SMAD5: variants seen among roughly 807,000 people sequenced by gnomAD.
SMAD5 encodes SMAD family member 5.
Under a neutral mutation model 43.1 loss-of-function variants are expected in SMAD5, and 9 were observed. That is an observed-to-expected ratio of 0.21 (90% CI 0.13 to 0.36). The LOEUF (loss-of-function observed/expected upper bound fraction) is 0.36, where lower values mean the gene tolerates loss of function less well. Among genes scored for constraint, SMAD5 ranks in the 10% least tolerant of loss-of-function variants. The probability of loss-of-function intolerance (pLI) is 1.00; values close to 1 mark genes in which losing one functional copy is unlikely to be tolerated. For missense variants in SMAD5, 348 were observed against 574.0 expected (o/e 0.61, Z 4.02); for synonymous variants, 190 against 192.4 (o/e 0.99, Z 0.10).
At chr5:136,169,267 C>G (rs1191063434) in intron 5 of SMAD5, among the ~76,000 whole-genome samples, 1 of 152,206 alleles carries the variant, frequency 6.6e-6, no homozygotes, top group Non-Finnish European at 1.5e-5. Flanking sequence ...GTCTGCTCTT[C>G]CATCTTCTGC....
chr5:136,137,430 G>T (rs1752927360), intron 1 of SMAD5, among the ~76,000 whole-genome samples: 1 of 152,126 alleles, frequency 6.6e-6, no homozygotes, highest in South Asian at 2.1e-4. Context: ...AAAAAAACTA[G>T]TGTCCCATTC....
At chr5:136,144,290 G>T (rs1753187946) in intron 1 of SMAD5, among the ~76,000 whole-genome samples, 1 of 152,006 alleles carries the variant, frequency 6.6e-6, no homozygotes, top group South Asian at 2.1e-4. Context: ...TGATGCTCAT[G>T]GTTAGCCTGT....
At chr5:136,155,816 A>G (rs1204724985) in intron 3 of SMAD5, among the ~76,000 whole-genome samples, 1 of 152,132 alleles carries the variant, frequency 6.6e-6, no homozygotes, top group Non-Finnish European at 1.5e-5. Context: ...TATTTCATTC[A>G]TTACTCTATC....
At chr5:136,135,323 C>A (rs1752836490) in intron 1 of SMAD5, among the ~76,000 whole-genome samples, 1 of 152,210 alleles carries the variant, frequency 6.6e-6, no homozygotes, top group African/African-American at 2.4e-5. Context: ...TAATTCTTGG[C>A]TGAACCTGAA....
intron 1 of SMAD5, among the ~76,000 whole-genome samples, chr5:136,144,621 T>G (rs1321974343): frequency 1.3e-5 from 2 of 150,598 alleles, no homozygotes; most frequent in Non-Finnish European, 3.0e-5. Flanking sequence ...CTTATTATAT[T>G]GGTATATATT....
chr5:136,160,777 C>CT lies in SMAD5; in HGVS notation c.404-76dup. The stretch of plus-strand genomic sequence containing the variant: ...ATAGGTTTACAGTCTTACATGAATC[C>CT]TTTCTACCAACCCCTTAGTGTGGAT... On this transcript the variant is annotated intron_variant, in intron 3 of 7. Transcript: ENST00000545279. 2.1e-6 allele frequency: 3 copies of CT among 1,425,304 alleles called. No individual in the cohort carries two copies. In the South Asian group the frequency reaches 3.8e-5, roughly 18 times the overall value. 88.3% of individuals were successfully genotyped at this position (1,425,304 alleles called of 1,614,324 possible). A position where few individuals can be genotyped will look rare whatever the true frequency, so the allele number is the denominator to read the frequency against.
At chr5:136,138,732 T>C (rs1338022853) in intron 1 of SMAD5, among the ~76,000 whole-genome samples, 2 of 152,190 alleles carry the variant, frequency 1.3e-5, no homozygotes, top group Non-Finnish European at 2.9e-5. Flanking sequence ...CAAGTGTCTT[T>C]CTTCCATTGC....
intron 5 of SMAD5, among the ~76,000 whole-genome samples, chr5:136,165,026 G>C (rs1423629379): frequency 6.6e-6 from 1 of 152,128 alleles, no homozygotes; most frequent in Non-Finnish European, 1.5e-5. Context: ...GTAAATGCCA[G>C]GGTTTATTTC....
intron 1 of SMAD5, among the ~76,000 whole-genome samples, chr5:136,140,646 G>T (rs2149759982): frequency 1.3e-5 from 2 of 151,948 alleles, no homozygotes; most frequent in African/African-American, 4.8e-5. Flanking sequence ...CACCTTCTTG[G>T]TGAGACCCAG....
intron 1 of SMAD5, among the ~76,000 whole-genome samples, chr5:136,135,959 A>G (rs1349451108): frequency 6.6e-6 from 1 of 152,194 alleles, no homozygotes; most frequent in African/African-American, 2.4e-5. Context: ...CCGTCTTCTC[A>G]TAGGGTCAAA....
chr5:136,160,539 CTG>C (rs1179502630), intron 3 of SMAD5, among the ~76,000 whole-genome samples: 2 of 152,018 alleles, frequency 1.3e-5, no homozygotes, highest in Non-Finnish European at 2.9e-5. Context: ...GCGCTCACCT[CTG>C]TTTAACTCCT....
At chr5:136,164,452 C>T (rs892379765) in intron 5 of SMAD5, among the ~76,000 whole-genome samples, 1 of 152,076 alleles carries the variant, frequency 6.6e-6, no homozygotes, top group Admixed American at 6.5e-5. Flanking sequence ...GTGTAAAGTG[C>T]TTATTGTGGT....
intron 1 of SMAD5, among the ~76,000 whole-genome samples, chr5:136,138,629 A>G (rs945667559): frequency 3.9e-5 from 6 of 152,122 alleles, no homozygotes; most frequent in South Asian, 4.1e-4. Context: ...GGTGACTACT[A>G]TTGATAATGA....
intron 5 of SMAD5, among the ~76,000 whole-genome samples, chr5:136,164,722 GA>G (rs1753938446): frequency 1.3e-5 from 2 of 152,082 alleles, no homozygotes; most frequent in South Asian, 4.2e-4. Context: ...AAATTTTGAT[GA>G]AATCCATTTT....
chr5:136,138,844 A>G (rs1328243953), intron 1 of SMAD5, among the ~76,000 whole-genome samples: 1 of 152,144 alleles, frequency 6.6e-6, no homozygotes, highest in African/African-American at 2.4e-5. Flanking sequence ...AGTGAATCTG[A>G]ATTTTGAGGG....
At chr5:136,140,216 T>TTTCACCATG (rs1379362456) in intron 1 of SMAD5, among the ~76,000 whole-genome samples, 2 of 151,908 alleles carry the variant, frequency 1.3e-5, no homozygotes, top group East Asian at 3.9e-4. Context: ...AGAGACGGGG[T>TTTCACCATG]TTCACCATGT....
intron 4 of SMAD5, among the ~76,000 whole-genome samples, chr5:136,161,722 T>A (rs762160754): frequency 5.3e-5 from 8 of 152,248 alleles, no homozygotes; most frequent in African/African-American, 9.6e-5. Flanking sequence ...GCATGTCATA[T>A]ATGGACATGT....
intron 1 of SMAD5, among the ~76,000 whole-genome samples, chr5:136,144,493 G>T (rs1753193727): frequency 6.6e-6 from 1 of 151,762 alleles, no homozygotes; most frequent in African/African-American, 2.4e-5. Flanking sequence ...TTCTATGGAG[G>T]TTTATTGCAA....
At chr5:136,150,460 G>T (rs997890445) in intron 2 of SMAD5, among the ~76,000 whole-genome samples, 1 of 151,930 alleles carries the variant, frequency 6.6e-6, no homozygotes, top group Admixed American at 6.6e-5. Context: ...AGGTGCTGAA[G>T]ACTACTTCTT....
Sources: gnomAD v4.1 joint callset for allele counts (sites outside exome capture counted in the v4.1 genomes callset) on GRCh38, gnomAD v4.1.1 for gene constraint, MANE v1.5 for transcripts, NCBI Gene and HGNC (gene_info 2026-07-23, HGNC 2026-07-21) for gene names.